UHRF2: variants seen among roughly 807,000 people sequenced by gnomAD.
The protein encoded by UHRF2 is E3 ubiquitin-protein ligase UHRF2.
In UHRF2, 23 loss-of-function variants were observed where a neutral mutation model predicts 96.8. The ratio of observed to expected loss-of-function variants is 0.24; its 90% CI spans 0.17 to 0.34. UHRF2 has a LOEUF of 0.34. Among genes scored for constraint, UHRF2 ranks in the 10% least tolerant of loss-of-function variants. The pLI is 1.00. For missense variants in UHRF2, 685 were observed against 981.5 expected (o/e 0.70, Z 4.04); for synonymous variants, 385 against 332.6 (o/e 1.16, Z -1.72).
intron 9 of UHRF2, 44 bp downstream of exon 9, chr9:6,486,969 AT>A (rs772902477): frequency 1.3e-6 from 2 of 1,574,756 alleles, no homozygotes; most frequent in Non-Finnish European, 1.7e-6. Context: ...TGCCTTGACC[AT>A]TTGTAAAATA....
intron 9 of UHRF2, among the ~76,000 whole-genome samples, chr9:6,489,203 C>T (rs1427754872): frequency 6.6e-6 from 1 of 152,206 alleles, no homozygotes; most frequent in Non-Finnish European, 1.5e-5. Flanking sequence ...GCTTTTTCCA[C>T]TCAGCATGAT....
intron 3 of UHRF2, among the ~76,000 whole-genome samples, chr9:6,442,534 A>G (rs537471734): frequency 6.6e-6 from 1 of 152,258 alleles, no homozygotes; most frequent in African/African-American, 2.4e-5. Flanking sequence ...ATTGAAATGC[A>G]GTGGCACAAA....
intron 4 of UHRF2, among the ~76,000 whole-genome samples, chr9:6,469,399 T>A (rs1823077595): frequency 1.3e-5 from 2 of 151,812 alleles, no homozygotes. Context: ...GTGCCTGTAG[T>A]CCCAGCTACT....
intron 4 of UHRF2, 151 bp downstream of exon 4, chr9:6,460,942 T>TAA (rs1822500282): frequency 1.6e-6 from 1 of 631,344 alleles, no homozygotes; most frequent in Non-Finnish European, 2.5e-6. Flanking sequence ...TATAAATTCT[T>TAA]AAGAATTTTT....
At position 6,454,731 on chromosome 9, in the gene UHRF2, T is replaced by C. The variant is rs922253839; in HGVS notation, c.645-5842T>C. Among the ~76,000 whole-genome samples, 22 of 152,224 alleles carry C rather than the reference T, an allele frequency of 1.4e-4. 1 individual carries two copies. Among genetic ancestry groups the C allele is most frequent in the Admixed American group, 1.2e-3 (18 of 15,278 alleles). On this transcript the variant is annotated intron_variant, in intron 3 of 15. Transcript: ENST00000276893. ...ACTTTGGTTTTGAGCAGGCCACTCT[T>C]AGTTGGGTAACGGTTCAAGATTTCT...
rs187498183 is a variant in UHRF2 at position 6,482,787 on chromosome 9, G to A, written c.1392+688G>A. On this transcript the variant is annotated intron_variant, in intron 8 of 15. Transcript: ENST00000276893. ...AATTTCTTGTATTTGTAGTAGAGAC[G>A]AGGTTTCACCGTGTTAGCCAGGATG... is the stretch of plus-strand genomic sequence containing the variant. Among the ~76,000 whole-genome samples, 23 of 152,084 alleles carry A rather than the reference G, an allele frequency of 1.5e-4. No homozygotes were observed. In the East Asian group the frequency reaches 4.1e-3, roughly 27 times the overall value.
At chr9:6,489,766 G>C (rs1350758778) in intron 9 of UHRF2, among the ~76,000 whole-genome samples, 1 of 146,388 alleles carries the variant, frequency 6.8e-6, no homozygotes, top group East Asian at 2.0e-4. Flanking sequence ...CAGATATGTG[G>C]TCTTCAGGTA....
Position 6,486,854 on chromosome 9 carries a change from G to C in UHRF2, c.1426G>C (p.Gly476Arg), listed in dbSNP as rs774922911. The C allele has an allele frequency of 6.2e-7, 1 of 1,614,116 alleles. No individual in the cohort carries two copies. The highest frequency in any genetic ancestry group is 8.5e-7 in the Non-Finnish European group (1 of 1,180,000). ...SEAGVHRPHV[G>R]GIHGRSNDGA... ...AGCAGGTGTTCACAGACCCCATGTT[G>C]GTGGAATTCATGGTCGAAGTAATGA... The change falls in exon 9 of 16, where the codon GGT becomes CGT. Residue 476 changes from glycine (G) to arginine (R), a missense_variant. By Grantham distance (125) the Gly-to-Arg change is moderately radical (BLOSUM62 -2). Transcript: ENST00000276893.
chr9:6,417,120 C>T (rs890445882), intron 1 of UHRF2, among the ~76,000 whole-genome samples: 7 of 152,036 alleles, frequency 4.6e-5, no homozygotes, highest in African/African-American at 1.4e-4. Flanking sequence ...CACTGGCATC[C>T]CTAGTCAGTA....
At chr9:6,503,056 A>G (rs532372661) in intron 14 of UHRF2, among the ~76,000 whole-genome samples, 14 of 152,296 alleles carry the variant, frequency 9.2e-5, no homozygotes, top group African/African-American at 3.4e-4. Context: ...GTACAGTAGC[A>G]TGATCTCAGC....
intron 8 of UHRF2, among the ~76,000 whole-genome samples, chr9:6,486,059 A>G (rs1394787737): frequency 6.6e-6 from 1 of 152,162 alleles, no homozygotes; most frequent in African/African-American, 2.4e-5. Context: ...AGGCTAGGAA[A>G]AATAGATAGG....
At chr9:6,489,545 G>A (rs1018027821) in intron 9 of UHRF2, among the ~76,000 whole-genome samples, 1 of 152,180 alleles carries the variant, frequency 6.6e-6, no homozygotes, top group African/African-American at 2.4e-5. Flanking sequence ...GTATATGAGT[G>A]ATCCAGTTTC....
intron 9 of UHRF2, among the ~76,000 whole-genome samples, chr9:6,491,951 T>G (rs889832611): frequency 6.6e-6 from 1 of 152,316 alleles, no homozygotes; most frequent in African/African-American, 2.4e-5. Context: ...CAGGCTGGTC[T>G]TGAACTCCTG....
intron 1 of UHRF2, 57 bp downstream of exon 1, chr9:6,413,700 T>A (rs866312578): frequency 1.3e-5 from 19 of 1,449,274 alleles, no homozygotes; most frequent in Middle Eastern, 5.0e-4. Context: ...GCTGGGCTCC[T>A]CTGGACGCAC....
intron 2 of UHRF2, among the ~76,000 whole-genome samples, chr9:6,425,519 C>G (rs1273286020): frequency 2.6e-5 from 4 of 151,816 alleles, no homozygotes; most frequent in Admixed American, 2.6e-4. Flanking sequence ...CTTTGGGAGG[C>G]TGAGGAGGGT....
chr9:6,504,724 A>T (rs1403494979), intron 15 of UHRF2, 33 bp downstream of exon 15: 1 of 1,539,206 alleles, frequency 6.5e-7, no homozygotes, highest in Non-Finnish European at 9.0e-7. Flanking sequence ...TTTCCCTGTT[A>T]GGTATGAAGG....
intron 3 of UHRF2, among the ~76,000 whole-genome samples, chr9:6,441,715 G>C (rs1307872628): frequency 6.6e-6 from 1 of 150,984 alleles, no homozygotes; most frequent in Non-Finnish European, 1.5e-5. Context: ...ATTTTAGTAT[G>C]TCTAGGTGGT....
chr9:6,437,453 G>C (rs559446544), intron 3 of UHRF2, among the ~76,000 whole-genome samples: 7 of 152,194 alleles, frequency 4.6e-5, no homozygotes, highest in African/African-American at 1.4e-4. Context: ...GGCTGGTCTT[G>C]AACTCTGGAC....
chr9:6,451,931 TGTTA>T (rs1821896046), intron 3 of UHRF2, among the ~76,000 whole-genome samples: 2 of 152,124 alleles, frequency 1.3e-5, no homozygotes, highest in South Asian at 4.1e-4. Flanking sequence ...TAAGTAACAA[TGTTA>T]GTTTGGTTTA....
Sources: allele counts gnomAD v4.1 joint callset (sites outside exome capture counted in the v4.1 genomes callset), GRCh38; gene constraint gnomAD v4.1.1; transcripts MANE v1.5; gene names NCBI Gene and HGNC (gene_info 2026-07-23, HGNC 2026-07-21).